Variants in NECTIN2 observed in about 807,000 individuals in gnomAD.
NECTIN2 encodes nectin-2.
Under a neutral mutation model 56.9 loss-of-function variants are expected in NECTIN2, and 23 were observed. The observed-to-expected ratio is 0.40, with a 90% CI of 0.29 to 0.57. The LOEUF is 0.57. NECTIN2 is among the 20% of genes least tolerant of loss of function. NECTIN2 has a pLI of 0.38. For missense variants in NECTIN2, 587 were observed against 718.3 expected, an observed-to-expected ratio of 0.82 and a Z score of 2.09; for synonymous variants, 302 against 313.8, an observed-to-expected ratio of 0.96 and a Z score of 0.40.
intron 1 of NECTIN2, among the ~76,000 whole-genome samples, chr19:44,857,463 A>G (rs937214749): frequency 2.0e-5 from 3 of 151,318 alleles, no homozygotes; most frequent in Admixed American, 6.6e-5. Flanking sequence ...GTGTAGTGGC[A>G]CAATCTCTGC....
intron 6 of NECTIN2, among the ~76,000 whole-genome samples, chr19:44,885,532 G>C (rs1466133774): frequency 6.9e-6 from 1 of 145,046 alleles, no homozygotes; most frequent in Non-Finnish European, 1.5e-5. Context: ...GGCTGGTCTC[G>C]AACTGCTGAC....
intron 1 of NECTIN2, among the ~76,000 whole-genome samples, chr19:44,864,062 C>T (rs1020335953): frequency 6.7e-6 from 1 of 149,600 alleles, no homozygotes; most frequent in African/African-American, 2.4e-5. Flanking sequence ...GGGCTGGGTA[C>T]AGTGGCTCAC....
At chr19:44,861,366 C>T (rs411856) in intron 1 of NECTIN2, among the ~76,000 whole-genome samples, 50,713 of 152,094 alleles carry the variant, frequency 0.33, 9,286 homozygotes, top group Non-Finnish European at 0.39. Context: ...GCAGCACTAT[C>T]CACAACAGCA....
chr19:44,881,912 C>T (rs1046315947), intron 5 of NECTIN2: 3 of 252,730 alleles, frequency 1.2e-5, no homozygotes, highest in Non-Finnish European at 2.2e-5. Context: ...TGACTTACTC[C>T]CATCTGGCAT....
intron 6 of NECTIN2, among the ~76,000 whole-genome samples, chr19:44,882,567 G>T (rs986594549): frequency 6.6e-6 from 1 of 151,654 alleles, no homozygotes; most frequent in Non-Finnish European, 1.5e-5. Flanking sequence ...TTAGCTGGGG[G>T]CCAGGCACAG....
chr19:44,872,818 T>TATATA (rs1176136530), intron 3 of NECTIN2, among the ~76,000 whole-genome samples: 1 of 146,890 alleles, frequency 6.8e-6, no homozygotes, highest in South Asian at 2.1e-4. Context: ...TTATTATATT[T>TATATA]TTATATATTA....
intron 1 of NECTIN2, among the ~76,000 whole-genome samples, chr19:44,850,487 A>G (rs1968887270): frequency 6.6e-6 from 1 of 152,094 alleles, no homozygotes; most frequent in Admixed American, 6.6e-5. Flanking sequence ...TCTGCAAAAA[A>G]TTTAAAAATT....
At chr19:44,857,691 C>CACACCT (rs1968981723) in intron 1 of NECTIN2, among the ~76,000 whole-genome samples, 1 of 148,774 alleles carries the variant, frequency 6.7e-6, no homozygotes, top group African/African-American at 2.5e-5. Flanking sequence ...CGTGAGCCAT[C>CACACCT]GTGCCGGGTT....
chr19:44,871,828 G>C, intron 2 of NECTIN2, 25 bp from the exon 3 acceptor site: 1 of 1,603,320 alleles, frequency 6.2e-7, no homozygotes, highest in Non-Finnish European at 8.5e-7. Context: ...GAGGAGTGAC[G>C]CACCCCCTCT....
chr19:44,846,458 C>G lies in NECTIN2; in HGVS notation c.-68C>G, dbSNP rs1968834366. The stretch of plus-strand genomic sequence containing the variant: ...CCCCACAGGCACCTACTAAACCGCC[C>G]AGCCGATCGGCCCCCACAGAGTGGC... On this transcript the variant is annotated 5_prime_UTR_variant, in exon 1 of 9. Transcript: ENST00000252483. 1 of 1,395,564 alleles carries G rather than the reference C, an allele frequency of 7.2e-7. No individual in the cohort carries two copies. Among genetic ancestry groups the G allele is most frequent in the East Asian group, 3.0e-5 (1 of 33,782 alleles). 86.4% of individuals were successfully genotyped at this position (1,395,564 alleles called of 1,614,324 possible).
intron 1 of NECTIN2, among the ~76,000 whole-genome samples, chr19:44,857,701 T>G (rs1968982085): frequency 7.5e-6 from 1 of 133,348 alleles, no homozygotes; most frequent in Non-Finnish European, 1.6e-5. Flanking sequence ...CGTGCCGGGT[T>G]TTTGTTTTTG....
chr19:44,857,978 C>G (rs1968987155), intron 1 of NECTIN2, among the ~76,000 whole-genome samples: 1 of 152,182 alleles, frequency 6.6e-6, no homozygotes, highest in Non-Finnish European at 1.5e-5. Flanking sequence ...ATTGGCTATG[C>G]ACTGTTTATT....
At chr19:44,868,805 G>A (rs1459695906) in intron 2 of NECTIN2, among the ~76,000 whole-genome samples, 3 of 151,926 alleles carry the variant, frequency 2.0e-5, no homozygotes, top group African/African-American at 4.8e-5. Context: ...CCAGCTACTC[G>A]GGAGATTGAG....
At chr19:44,853,207 T>A (rs73050205) in intron 1 of NECTIN2, among the ~76,000 whole-genome samples, 31,136 of 151,960 alleles carry the variant, frequency 0.2, 3,849 homozygotes, top group Middle Eastern at 0.31. Flanking sequence ...CAATGGGATT[T>A]TTTTTTTCAG....
intron 8 of NECTIN2, among the ~76,000 whole-genome samples, chr19:44,886,923 C>A (rs749084809): frequency 6.6e-5 from 10 of 151,446 alleles, no homozygotes; most frequent in African/African-American, 9.7e-5. Context: ...GTGGCAAATG[C>A]CTGTAGGCTG....
At chr19:44,878,803 G>T (rs1183606564) in intron 5 of NECTIN2, 15 of 1,389,688 alleles carry the variant, frequency 1.1e-5, no homozygotes, top group Non-Finnish European at 1.3e-5. Flanking sequence ...CCCGTCTCTA[G>T]GGCTGCATGG....
At chr19:44,863,735 C>T (rs908004520) in intron 1 of NECTIN2, among the ~76,000 whole-genome samples, 1 of 151,512 alleles carries the variant, frequency 6.6e-6, no homozygotes, top group Admixed American at 6.6e-5. Context: ...ATCCCAGCTA[C>T]TCAGGAGGCT....
intron 5 of NECTIN2, among the ~76,000 whole-genome samples, chr19:44,879,645 G>A (rs543184855): frequency 5.9e-5 from 9 of 152,216 alleles, no homozygotes; most frequent in African/African-American, 1.9e-4. Context: ...GGGGAGGGGC[G>A]GCCCTTGGTC....
At chr19:44,878,666 C>T (rs201833210) in intron 5 of NECTIN2, 98 of 1,544,660 alleles carry the variant, frequency 6.3e-5, no homozygotes, top group Middle Eastern at 1.7e-4. Flanking sequence ...CTCCCGCCCC[C>T]GACCTGACCA....
Sources: gnomAD v4.1 joint callset for allele counts (sites outside exome capture counted in the v4.1 genomes callset) on GRCh38, gnomAD v4.1.1 for gene constraint, MANE v1.5 for transcripts, NCBI Gene and HGNC (gene_info 2026-07-23, HGNC 2026-07-21) for gene names.